Variants in FAM83H observed in about 807,000 individuals in gnomAD.
The protein encoded by FAM83H is scaffolding CK1 anchoring protein H.
Under a neutral mutation model 30.2 loss-of-function variants are expected in FAM83H, and 24 were observed. The observed-to-expected ratio is 0.79, with a 90% CI of 0.57 to 1.12. The LOEUF (loss-of-function observed/expected upper bound fraction) is 1.12, where lower values mean the gene tolerates loss of function less well. FAM83H is among the 50% of genes most tolerant of loss of function. The pLI, the probability that FAM83H is intolerant of heterozygous loss-of-function variation, is 0.00. For synonymous variants in FAM83H, 1,013 were observed against 821.7 expected, an observed-to-expected ratio of 1.23 and a Z score of -3.98; for missense variants, 2,038 against 1,773.9, an observed-to-expected ratio of 1.15 and a Z score of -2.67.
In FAM83H at chr8:143,728,390, C is replaced by T. The variant is rs1554623363; in HGVS notation, c.1071G>A (p.Glu357=). ...DRHFLSAFRR[E]EPPRMPGGAL... is the part of the protein sequence containing the mutation. Reference sequence around the variant, plus strand: ...CGCCCCCCGGCATCCGCGGCGGCTCCTCCCGGCGGAAGGCCGACAGGAAGT... The same window carrying T: ...CGCCCCCCGGCATCCGCGGCGGCTCTTCCCGGCGGAAGGCCGACAGGAAGT... The change falls in exon 5 of 5, where the codon GAG becomes GAA. Residue 357 remains glutamate (E), a synonymous_variant. Coordinates refer to ENST00000388913, the MANE Select transcript of FAM83H (RefSeq NM_198488.5). 6 of 1,546,664 alleles carry T rather than the reference C, an allele frequency of 3.9e-6. No homozygotes were observed. The South Asian group carries it at 6.0e-5, about 15-fold the overall frequency.
At position 143,725,890 on chromosome 8, in the gene FAM83H, C is replaced by A; in HGVS notation, c.*31G>T. The A allele has an allele frequency of 6.2e-7, 1 of 1,609,710 alleles. No individual in the cohort carries two copies. The highest frequency in any genetic ancestry group is 8.5e-7 in the Non-Finnish European group (1 of 1,178,544). ...TGGATGACCGGGGCAGCGATGCGGG[C>A]ACCCTGGCCTGGGTTGCCAGGCCAG... is the stretch of plus-strand genomic sequence containing the variant. On this transcript the variant is annotated 3_prime_UTR_variant, in exon 5 of 5. Coordinates refer to ENST00000388913, the MANE Select transcript of FAM83H (RefSeq NM_198488.5).
In FAM83H at chr8:143,730,403, C is replaced by T. The variant is rs781864288; in HGVS notation, c.180G>A (p.Glu60=). ...GAAGGTGTCGGCTCACATGTTCCAG[C>T]TCTTCAGGGCACAGGAAGTCTGGTG... ...EGAPDFLCPE[E]LEHVSRHLRP... Residue 60 remains glutamate (E), a synonymous_variant, in exon 2 of 5, where the codon GAG becomes GAA. Transcript: ENST00000388913. 3.7e-6 allele frequency: 6 copies of T among 1,613,296 alleles called. No homozygotes were observed. The South Asian group carries it at 5.5e-5, about 15-fold the overall frequency.
Position 143,730,211 on chromosome 8 carries a change from G to A in FAM83H, c.372C>T (p.Thr124=). 6.2e-7 allele frequency: 1 copy of A among 1,612,732 alleles called. No individual in the cohort carries two copies. The highest frequency in any genetic ancestry group is 8.5e-7 in the Non-Finnish European group (1 of 1,179,366). ...TFGFQGTEVT[T]LVQPPPPDSP... ...TGTCGGGGGGCGGTGGCTGCACCAA[G>A]GTGGTCACCTCGGTGCCCTGGAAGC... The change falls in exon 2 of 5, where the codon ACC becomes ACT. Residue 124 remains threonine, a synonymous_variant. Coordinates refer to ENST00000388913, the MANE Select transcript of FAM83H (RefSeq NM_198488.5).
rs575315299 is a variant in FAM83H, at chr8:143,733,149, C to T, written c.-16+542G>A. On this transcript the variant is annotated intron_variant, in intron 1 of 4. Coordinates refer to ENST00000388913, the MANE Select transcript of FAM83H (RefSeq NM_198488.5). This position sits in a 1 kb window ranked among gnomAD's most constrained non-coding sequence, Gnocchi z 5.6. ...ACTTGCGGAGTGGGCACCCCAGCCCCCAACGGGGTCAGTGCACCCTACGAG... is the reference window on the plus strand; with the variant it reads ...ACTTGCGGAGTGGGCACCCCAGCCCTCAACGGGGTCAGTGCACCCTACGAG... 1.3e-4 allele frequency: 20 copies of T among 154,144 alleles called. No individual in the cohort carries two copies. Among genetic ancestry groups the T allele is most frequent in the African/African-American group, 3.1e-4 (13 of 41,644 alleles). The allele number at this position is 154,144 out of a possible 1,614,324, so 9.5% of individuals were successfully genotyped here.
chr8:143,725,631 G>C lies in FAM83H; in HGVS notation c.*290C>G. The C allele has an allele frequency of 1.8e-6, 1 of 561,820 alleles. No homozygotes were observed. Among genetic ancestry groups the C allele is most frequent in the Non-Finnish European group, 3.2e-6 (1 of 315,024 alleles). The allele number at this position is 561,820 out of a possible 1,614,324, so 34.8% of individuals were successfully genotyped here. On this transcript the variant is annotated 3_prime_UTR_variant, in exon 5 of 5. Transcript: ENST00000388913. ...GAGGCACAAAGAGATGGCGGAGCCA[G>C]ACGCTGCGCCACGCAAGGCTGACGG...
chr8:143,729,402 G>A, intron 2 of FAM83H, 79 bp from the exon 3 acceptor site: 1 of 1,533,072 alleles, frequency 6.5e-7, no homozygotes, highest in Non-Finnish European at 8.9e-7. Context: ...CCACACCCGG[G>A]AGGTGTCTGG....
chr8:143,731,118 A>ACCCC (rs11432677), intron 1 of FAM83H, among the ~76,000 whole-genome samples: 4 of 145,334 alleles, frequency 2.8e-5, no homozygotes. Context: ...AATAAAACGA[A>ACCCC]CCCCCCCCCC....
chr8:143,726,956 G>A lies in FAM83H; in HGVS notation c.2505C>T (p.Phe835=), dbSNP rs200587785. The change falls in exon 5 of 5, where the codon TTC becomes TTT. Residue 835 remains phenylalanine, a synonymous_variant. Coordinates refer to ENST00000388913, the MANE Select transcript of FAM83H (RefSeq NM_198488.5). The part of the protein sequence containing the change: ...RSGSDRLPSR[F]LSAQSHSTSP... ...ACGTTGAGTGGCTCTGGGCAGAGAG[G>A]AAGCGGGAAGGCAGGCGGTCGGAGC... The A allele has an allele frequency of 4.2e-4, 684 of 1,609,520 alleles. 3 individuals are homozygous for A. The highest frequency in any genetic ancestry group is 8.5e-5 in the Non-Finnish European group (100 of 1,178,698).
In FAM83H at chr8:143,726,971, G is replaced by C. The variant is rs782747990; in HGVS notation, c.2490C>G (p.Arg830=). Residue 830 remains arginine, a synonymous_variant, in exon 5 of 5, where the codon CGC becomes CGG. Coordinates refer to ENST00000388913, the MANE Select transcript of FAM83H (RefSeq NM_198488.5). ...LDTLGRSGSD[R]LPSRFLSAQS... ...GGGCAGAGAGGAAGCGGGAAGGCAG[G>C]CGGTCGGAGCCGCTCCGGCCCAGTG... The C allele has an allele frequency of 3.1e-6, 5 of 1,604,700 alleles. No homozygotes were observed. Among genetic ancestry groups the C allele is most frequent in the Non-Finnish European group, 4.2e-6 (5 of 1,176,874 alleles).
At chr8:143,730,726 G>C (rs953384107) in intron 1 of FAM83H, 129 bp from the exon 2 acceptor site, 12 of 685,884 alleles carry the variant, frequency 1.7e-5, no homozygotes, top group Non-Finnish European at 2.8e-5. Context: ...ATGCCCAGGA[G>C]GCCTTCCAGG....
chr8:143,726,257 G>C lies in FAM83H; in HGVS notation c.3204C>G (p.Ser1068Arg). 6.2e-7 allele frequency: 1 copy of C among 1,612,302 alleles called. No individual in the cohort carries two copies. The highest frequency in any genetic ancestry group is 8.5e-7 in the Non-Finnish European group (1 of 1,179,738). Residue 1068 changes from serine (S) to arginine (R), a missense_variant, in exon 5 of 5, where the codon AGC (serine) becomes AGG (arginine). Transcript: ENST00000388913. ...CAGCCGGTGGACGGCCTAGCTCGGG[G>C]CTGTTGTGGGTCGGGCCGGGGCTCG... ...PAPSPGPTHN[S>R]PELGRPPAAG...
rs1818414320 is a variant in FAM83H, at chr8:143,728,997, T to G, written c.707A>C (p.Asp236Ala). The change falls in exon 4 of 5, where the codon GAC becomes GCC. Residue 236 changes from aspartate (D) to alanine (A), a missense_variant. Asp to Ala is a moderately radical substitution (Grantham distance 126). Transcript: ENST00000388913. Reference protein sequence around the residue: ...GHVKEKFLLVDCAVVMSGSYS... With the variant: ...GHVKEKFLLVACAVVMSGSYS... ...GCTCCCACTCATCACCACGGCACAG[T>G]CCACCAGCAGGAACTTCTCCTTGAC... 2 of 1,613,560 alleles carry G rather than the reference T, an allele frequency of 1.2e-6. No individual in the cohort carries two copies. Among genetic ancestry groups the G allele is most frequent in the Non-Finnish European group, 1.7e-6 (2 of 1,179,958 alleles).
Position 143,727,870 on chromosome 8 carries a change from G to A in FAM83H, c.1591C>T (p.Pro531Ser), listed in dbSNP as rs1473535558. ...HGSDPAFAPG[P>S]RGLEPSGAPR... Reference sequence around the variant, plus strand: ...GCTCCGCTGGGCTCCAGGCCGCGGGGTCCGGGCGCGAAGGCGGGGTCCGAG... The same window carrying A: ...GCTCCGCTGGGCTCCAGGCCGCGGGATCCGGGCGCGAAGGCGGGGTCCGAG... The change falls in exon 5 of 5, where the codon CCC becomes TCC. Residue 531 changes from proline (P) to serine (S), a missense_variant. Physicochemically the swap from Pro to Ser is moderately conservative, Grantham distance 74 (BLOSUM62 -1). Transcript: ENST00000388913. The A allele has an allele frequency of 1.3e-5, 18 of 1,364,862 alleles. No individual in the cohort carries two copies. Among genetic ancestry groups the A allele is most frequent in the African/African-American group, 3.1e-5 (2 of 64,654 alleles). 84.5% of individuals were successfully genotyped at this position (1,364,862 alleles called of 1,614,324 possible). A position where few individuals can be genotyped will look rare whatever the true frequency, so the allele number is the denominator to read the frequency against.
chr8:143,724,773 C>CA lies in FAM83H; in HGVS notation c.*1147dup, dbSNP rs1440684356. 1.3e-5 allele frequency: 2 copies of CA among 152,636 alleles called. No individual in the cohort carries two copies. The highest frequency in any genetic ancestry group is 2.9e-5 in the Non-Finnish European group (2 of 68,382). The allele number at this position is 152,636 out of a possible 1,614,324, so 9.5% of individuals were successfully genotyped here. The stretch of plus-strand genomic sequence containing the variant: ...GCGCCTGGCTTGGGCCGGGCCTGTG[C>CA]AGGGGGTGCTCATGAGGCCGGGGCC... On this transcript the variant is annotated 3_prime_UTR_variant, in exon 5 of 5. Coordinates refer to ENST00000388913, the MANE Select transcript of FAM83H (RefSeq NM_198488.5).
chr8:143,732,673 C>T, intron 1 of FAM83H: 2 of 985,438 alleles, frequency 2.0e-6, no homozygotes, highest in Non-Finnish European at 2.4e-6. Flanking sequence ...CCAACTGCTT[C>T]ATTCCTCACG....
chr8:143,729,100 G>A lies in FAM83H; in HGVS notation c.613-9C>T, dbSNP rs201408056. On this transcript the variant is annotated splice_polypyrimidine_tract_variant and intron_variant, in intron 3 of 4. Coordinates refer to ENST00000388913, the MANE Select transcript of FAM83H (RefSeq NM_198488.5). ...GTCCGTACGCGCAGGAACTGGGGAGGGAGGGGAGTCAGATCTCTCCCACGG... is the reference window on the plus strand; with the variant it reads ...GTCCGTACGCGCAGGAACTGGGGAGAGAGGGGAGTCAGATCTCTCCCACGG... 3.1e-4 allele frequency: 493 copies of A among 1,613,670 alleles called. 3 individuals are homozygous for A. The African/African-American group carries it at 4.3e-3, about 14-fold the overall frequency.
In FAM83H at chr8:143,726,654, C is replaced by T; in HGVS notation, c.2807G>A (p.Ser936Asn). ...CTCCCCGGAGATGGTAAGGGTGAGG[C>T]TGCCCCTGCGCTCCGGCACGGGGGG... is the stretch of plus-strand genomic sequence containing the variant. ...PVPPVPERRG[S>N]LTLTISGESP... Residue 936 changes from serine (S) to asparagine (N), a missense_variant, in exon 5 of 5, where the codon AGC (serine) becomes AAC (asparagine). Coordinates refer to ENST00000388913, the MANE Select transcript of FAM83H (RefSeq NM_198488.5). 1 of 1,597,370 alleles carries T rather than the reference C, an allele frequency of 6.3e-7. No individual in the cohort carries two copies. Among genetic ancestry groups the T allele is most frequent in the Non-Finnish European group, 8.5e-7 (1 of 1,177,110 alleles).
rs2129665062 is a variant in FAM83H, at chr8:143,727,148, T to C, written c.2313A>G (p.Glu771=). 6.5e-7 allele frequency: 1 copy of C among 1,534,258 alleles called. No individual in the cohort carries two copies. The highest frequency in any genetic ancestry group is 8.7e-7 in the Non-Finnish European group (1 of 1,146,086). The change falls in exon 5 of 5, where the codon GAA becomes GAG. Residue 771 remains glutamate (E), a synonymous_variant. Transcript: ENST00000388913. Reference sequence around the variant, plus strand: ...CCACGGCACCTGGGGCCGCCACCTCTTCCCGCCACGCCTGGGACACGACGG... The same window carrying C: ...CCACGGCACCTGGGGCCGCCACCTCCTCCCGCCACGCCTGGGACACGACGG... ...SKAVVSQAWR[E]EVAAPGAVGG...
intron 2 of FAM83H, 64 bp downstream of exon 2, chr8:143,730,069 TCTC>T (rs1554623951): frequency 5.1e-6 from 7 of 1,363,170 alleles, no homozygotes; most frequent in Non-Finnish European, 6.8e-6. Flanking sequence ...TGCTCATGCA[TCTC>T]CTCCACCCCC....
Sources: gnomAD v4.1 joint callset for allele counts (sites outside exome capture counted in the v4.1 genomes callset) on GRCh38, gnomAD v4.1.1 for gene constraint, Gnocchi (gnomAD v3.1) non-coding constraint, MANE v1.5 for transcripts, NCBI Gene and HGNC (gene_info 2026-07-23, HGNC 2026-07-21) for gene names.